Variants in CASQ2 observed in about 807,000 individuals in gnomAD.
CASQ2 encodes calsequestrin-2.
In CASQ2, 49 loss-of-function variants were observed where a neutral mutation model predicts 46.5. The ratio of observed to expected loss-of-function variants is 1.05; its 90% confidence interval spans 0.84 to 1.34. The LOEUF is 1.34. CASQ2 is among the 40% of genes most tolerant of loss of function. The pLI, the probability that CASQ2 is intolerant of heterozygous loss-of-function variation, is 0.00. For missense variants in CASQ2, 486 were observed against 481.3 expected (o/e 1.01, Z -0.09); for synonymous variants, 174 against 168.5 (o/e 1.03, Z -0.25).
intron 1 of CASQ2, among the ~76,000 whole-genome samples, chr1:115,753,167 G>C (rs1648639331): frequency 6.6e-6 from 1 of 152,310 alleles, no homozygotes; most frequent in South Asian, 2.1e-4. Flanking sequence ...AGACCCGGAG[G>C]TGCTGATCTA....
At chr1:115,744,797 C>A in intron 2 of CASQ2, 31 bp downstream of exon 2, 1 of 1,466,284 alleles carries the variant, frequency 6.8e-7, no homozygotes, top group Non-Finnish European at 9.6e-7. Flanking sequence ...CGTTTCTTTC[C>A]CACATACAGT....
At chr1:115,750,372 T>C (rs1648536539) in intron 1 of CASQ2, among the ~76,000 whole-genome samples, 1 of 152,268 alleles carries the variant, frequency 6.6e-6, no homozygotes, top group South Asian at 2.1e-4. Context: ...TTGTCTCTTA[T>C]CGGTTGGTTA....
chr1:115,751,402 G>A (rs183899986), intron 1 of CASQ2, among the ~76,000 whole-genome samples: 9 of 145,276 alleles, frequency 6.2e-5, no homozygotes, highest in African/African-American at 1.8e-4. Flanking sequence ...GGGCGCGGTG[G>A]CTCACGCCTG....
intron 8 of CASQ2, 134 bp downstream of exon 8, chr1:115,717,706 G>T (rs753914610): frequency 1.3e-6 from 1 of 773,846 alleles, no homozygotes; most frequent in South Asian, 1.4e-5. Context: ...CTTAATGGGC[G>T]ACCACCAGGG....
In CASQ2 at chr1:115,744,444, C is replaced by T. The variant is rs144565530; in HGVS notation, c.319+384G>A. On this transcript the variant is annotated intron_variant, in intron 2 of 10. Transcript: ENST00000261448. The stretch of plus-strand genomic sequence containing the variant: ...GTTGGCTGCTTCAGCCGCAAGGCAA[C>T]GAAATAATACATGATGAAAGAAGAG... Among the ~76,000 whole-genome samples the T allele has an allele frequency of 1.2e-4, 18 of 152,226 alleles. 1 individual carries two copies. The East Asian group carries it at 3.5e-3, about 29-fold the overall frequency.
chr1:115,736,755 C>T (rs1484091365), intron 4 of CASQ2, among the ~76,000 whole-genome samples: 1 of 152,106 alleles, frequency 6.6e-6, no homozygotes, highest in African/African-American at 2.4e-5. Flanking sequence ...GTACACCATA[C>T]TAGCCATGTG....
chr1:115,734,439 T>C (rs549704858), intron 4 of CASQ2, among the ~76,000 whole-genome samples: 1 of 152,326 alleles, frequency 6.6e-6, no homozygotes, highest in African/African-American at 2.4e-5. Context: ...GGAGAGCTGG[T>C]CTACATCACT....
At chr1:115,717,498 T>G (rs1482901788) in intron 8 of CASQ2, among the ~76,000 whole-genome samples, 4 of 152,190 alleles carry the variant, frequency 2.6e-5, no homozygotes, top group African/African-American at 9.7e-5. Context: ...AGAATTGGAT[T>G]TGTGGCCTGA....
chr1:115,733,245 G>T (rs143253394), intron 4 of CASQ2, among the ~76,000 whole-genome samples: 1 of 152,028 alleles, frequency 6.6e-6, no homozygotes, highest in Non-Finnish European at 1.5e-5. Context: ...AGAGGGAACC[G>T]GGAGGAAAAG....
chr1:115,725,329 A>AACT (rs1557792196), intron 7 of CASQ2, among the ~76,000 whole-genome samples, 179 bp downstream of exon 7: 2 of 152,036 alleles, frequency 1.3e-5, no homozygotes, highest in African/African-American at 4.8e-5. Flanking sequence ...GGCCTCCCAG[A>AACT]GTGCTGGGAT....
chr1:115,707,579 C>T (rs573293538), intron 8 of CASQ2, among the ~76,000 whole-genome samples: 1 of 152,148 alleles, frequency 6.6e-6, no homozygotes, highest in Non-Finnish European at 1.5e-5. Flanking sequence ...CACTGACTGA[C>T]GTGTGGACAC....
chr1:115,767,680 G>C (rs950632485), intron 1 of CASQ2, among the ~76,000 whole-genome samples: 2 of 152,116 alleles, frequency 1.3e-5, no homozygotes, highest in Non-Finnish European at 2.9e-5. Context: ...CATGTAATGC[G>C]GATAAAATAA....
intron 8 of CASQ2, among the ~76,000 whole-genome samples, chr1:115,715,520 T>C (rs1335605726): frequency 6.6e-6 from 1 of 152,168 alleles, no homozygotes; most frequent in East Asian, 1.9e-4. Context: ...ATTTTAGAGA[T>C]AGTAGGTAAT....
In CASQ2 at chr1:115,700,034, T is replaced by C. The variant is rs183297938; in HGVS notation, c.*1207A>G. On this transcript the variant is annotated 3_prime_UTR_variant, in exon 11 of 11. Coordinates refer to ENST00000261448, the MANE Select transcript of CASQ2 (RefSeq NM_001232.4). ...ACATTGTCTGAATATTTTCAAAATA[T>C]GAGTTTAATGACAGAATTAGTTAGC... is the stretch of plus-strand genomic sequence containing the variant. The C allele has an allele frequency of 2.9e-3, 442 of 152,636 alleles. 7 individuals carry two copies. The highest frequency in any genetic ancestry group is 7.2e-4 in the Non-Finnish European group (49 of 68,032). 9.5% of individuals were successfully genotyped at this position (152,636 alleles called of 1,614,324 possible).
intron 3 of CASQ2, 83 bp from the exon 4 acceptor site, chr1:115,738,418 GTTGTAGCGGACT>G (rs1222179698): frequency 2.2e-6 from 2 of 918,418 alleles, no homozygotes; most frequent in Non-Finnish European, 3.6e-6. Flanking sequence ...TTGGAGGGAA[GTTGTAGCGGACT>G]TTGTGGTTGG....
intron 8 of CASQ2, 93 bp downstream of exon 8, chr1:115,717,746 GA>G (rs1647216612): frequency 1.1e-6 from 1 of 951,172 alleles, no homozygotes; most frequent in Non-Finnish European, 1.7e-6. Flanking sequence ...TTGCATTGTG[GA>G]TGGGATGTGA....
At chr1:115,724,869 T>C (rs116710985) in intron 7 of CASQ2, among the ~76,000 whole-genome samples, 1 of 152,216 alleles carries the variant, frequency 6.6e-6, no homozygotes, top group East Asian at 1.9e-4. Context: ...ACTTGAACCC[T>C]AGTCTCTATT....
At chr1:115,719,658 G>A (rs556496490) in intron 7 of CASQ2, among the ~76,000 whole-genome samples, 52 of 152,292 alleles carry the variant, frequency 3.4e-4, no homozygotes, top group Non-Finnish European at 6.8e-4. Context: ...CCAGCGCTAG[G>A]TGCCAGGCAT....
intron 1 of CASQ2, among the ~76,000 whole-genome samples, chr1:115,749,744 T>C (rs1045673962): frequency 3.3e-5 from 5 of 152,222 alleles, no homozygotes; most frequent in Non-Finnish European, 7.3e-5. Flanking sequence ...GGAGTCTGTC[T>C]ACCTCTCACA....
Sources: gnomAD v4.1 joint callset for allele counts (sites outside exome capture counted in the v4.1 genomes callset) on GRCh38, gnomAD v4.1.1 for gene constraint, MANE v1.5 for transcripts, NCBI Gene and HGNC (gene_info 2026-07-23, HGNC 2026-07-21) for gene names.